The following ZNF500 variants were observed in gnomAD, a reference collection of about 807,000 sequenced individuals.
ZNF500 encodes the protein zinc finger protein with KRAB and SCAN domains 18.
Under a neutral mutation model 30.1 loss-of-function variants are expected in ZNF500, and 31 were observed. The ratio of observed to expected loss-of-function variants is 1.03; its 90% CI spans 0.77 to 1.39. ZNF500 has a LOEUF of 1.39. Among genes scored for constraint, ZNF500 ranks in the 40% most tolerant of loss-of-function variants. The probability of loss-of-function intolerance (pLI) is 0.00; values close to 1 mark genes in which losing one functional copy is unlikely to be tolerated. For synonymous variants in ZNF500, 392 were observed against 282.0 expected, an observed-to-expected ratio of 1.39 and a Z score of -3.91; for missense variants, 817 against 657.8, an observed-to-expected ratio of 1.24 and a Z score of -2.65.
chr16:4,748,578 G>C lies in ZNF500; in HGVS notation c.*3798C>G, dbSNP rs1315168292. On this transcript the variant is annotated 3_prime_UTR_variant, in exon 6 of 6. Coordinates refer to ENST00000219478, the MANE Select transcript of ZNF500 (RefSeq NM_021646.4). ...ATCTGCTTGCCCCCTGCCAAGACCCGGCCCCTCCACAGGACAAGCCTGGTC... is the reference window on the plus strand; with the variant it reads ...ATCTGCTTGCCCCCTGCCAAGACCCCGCCCCTCCACAGGACAAGCCTGGTC... The C allele has an allele frequency of 1.3e-5, 2 of 152,230 alleles. No individual in the cohort carries two copies. The highest frequency in any genetic ancestry group is 3.9e-4 in the East Asian group (2 of 5,184). 9.4% of individuals were successfully genotyped at this position (152,230 alleles called of 1,614,324 possible).
rs2082072142 is a variant in ZNF500, at chr16:4,751,049, A to G, written c.*1327T>C. ...CGTATATACAGTGACTAGGTGACAA[A>G]TGCAATGGAGCATCCCAGGCTGGGA... is the stretch of plus-strand genomic sequence containing the variant. On this transcript the variant is annotated 3_prime_UTR_variant, in exon 6 of 6. Coordinates refer to ENST00000219478, the MANE Select transcript of ZNF500 (RefSeq NM_021646.4). 1 of 154,706 alleles carries G rather than the reference A, an allele frequency of 6.5e-6. No individual in the cohort carries two copies. The highest frequency in any genetic ancestry group is 2.4e-5 in the African/African-American group (1 of 41,450). The allele number at this position is 154,706 out of a possible 1,614,324, so 9.6% of individuals were successfully genotyped here. A position where few individuals can be genotyped will look rare whatever the true frequency, so the allele number is the denominator to read the frequency against.
At chr16:4,757,519 T>G (rs900468238) in intron 5 of ZNF500, among the ~76,000 whole-genome samples, 1 of 152,078 alleles carries the variant, frequency 6.6e-6, no homozygotes, top group East Asian at 1.9e-4. Flanking sequence ...AGGCTGGTCT[T>G]GAACTCCTGG....
intron 5 of ZNF500, among the ~76,000 whole-genome samples, chr16:4,759,248 T>C (rs1353526207): frequency 2.0e-5 from 3 of 150,836 alleles, no homozygotes; most frequent in Non-Finnish European, 2.9e-5. Flanking sequence ...ATAACAACCA[T>C]TGGTATGGAT....
At chr16:4,744,853 C>T, downstream of ZNF500, 1 of 1,608,380 alleles carries the variant, frequency 6.2e-7, no homozygotes, top group African/African-American at 1.3e-5. Context: ...ATCAGCCTCT[C>T]CTTTGGCCAT....
chr16:4,746,172 G>C, downstream of ZNF500: 1 of 531,814 alleles, frequency 1.9e-6, no homozygotes, highest in Non-Finnish European at 3.3e-6. Flanking sequence ...TCCATCATGA[G>C]GGACGTTCTG....
intron 5 of ZNF500, among the ~76,000 whole-genome samples, chr16:4,757,209 C>A (rs1050969298): frequency 1.3e-5 from 2 of 152,274 alleles, no homozygotes; most frequent in African/African-American, 2.4e-5. Context: ...AGATTTATTA[C>A]GAAGAGTGAA....
At position 4,766,080 on chromosome 16, in the gene ZNF500, T is replaced by C. The variant is rs894454414; in HGVS notation, c.-98-4A>G. 26 of 1,363,232 alleles carry C rather than the reference T, an allele frequency of 1.9e-5. No homozygotes were observed. The highest frequency in any genetic ancestry group is 2.3e-5 in the Non-Finnish European group (24 of 1,025,682). 84.4% of individuals were successfully genotyped at this position (1,363,232 alleles called of 1,614,324 possible). ...GAAGAGAGTTTTTTTCAGGGCCCTG[T>C]GGAGAGACGATAAAACCATCTGAAG... On this transcript the variant is annotated splice_polypyrimidine_tract_variant and splice_region_variant and intron_variant, in intron 1 of 5. Transcript: ENST00000219478.
chr16:4,760,981 A>G (rs955662049), intron 4 of ZNF500, among the ~76,000 whole-genome samples: 1 of 152,150 alleles, frequency 6.6e-6, no homozygotes, highest in Non-Finnish European at 1.5e-5. Context: ...TCCCAGATGT[A>G]GCACCAGATT....
chr16:4,756,375 T>G (rs2082134683), intron 5 of ZNF500: 1 of 151,970 alleles, frequency 6.6e-6, no homozygotes, highest in Non-Finnish European at 1.5e-5. Flanking sequence ...TCCCAGCTGC[T>G]TGGGAGGCTA....
downstream of ZNF500, chr16:4,746,563 C>T (rs1261936101): frequency 5.1e-6 from 8 of 1,570,700 alleles, no homozygotes; most frequent in Admixed American, 1.4e-4. Flanking sequence ...GCAGAGTTGC[C>T]TGTTGACCGC....
chr16:4,753,883 C>A (rs1216075372), intron 5 of ZNF500, among the ~76,000 whole-genome samples: 4 of 152,226 alleles, frequency 2.6e-5, no homozygotes, highest in Non-Finnish European at 5.9e-5. Context: ...GCAGTCGTGG[C>A]TCCCAGCCAC....
chr16:4,746,793 G>A (rs979033673), downstream of ZNF500: 39 of 866,450 alleles, frequency 4.5e-5, no homozygotes, highest in Middle Eastern at 2.7e-4. Context: ...CTGGCAGGAC[G>A]TCCACCGGCC....
At chr16:4,764,034 A>G in intron 2 of ZNF500, 1 of 985,424 alleles carries the variant, frequency 1.0e-6, no homozygotes, top group South Asian at 4.7e-5. Context: ...CCACAACTGA[A>G]ACTGAAGCAG....
rs1356572956 is a variant in ZNF500 at position 4,751,878 on chromosome 16, C to T, written c.*498G>A. 1.1e-5 allele frequency: 4 copies of T among 378,826 alleles called. No homozygotes were observed. Among genetic ancestry groups the T allele is most frequent in the Middle Eastern group, 7.4e-4 (1 of 1,356 alleles). 23.5% of individuals were successfully genotyped at this position (378,826 alleles called of 1,614,324 possible). A position where few individuals can be genotyped will look rare whatever the true frequency, so the allele number is the denominator to read the frequency against. ...AGCTATGATCATGGCACTGTATTCC[C>T]GCCTGGGGGACACAGCAAGGCCCCG... On this transcript the variant is annotated 3_prime_UTR_variant, in exon 6 of 6. Coordinates refer to ENST00000219478, the MANE Select transcript of ZNF500 (RefSeq NM_021646.4).
intron 2 of ZNF500, among the ~76,000 whole-genome samples, chr16:4,765,268 C>A (rs1285198951): frequency 6.6e-6 from 1 of 152,046 alleles, no homozygotes; most frequent in African/African-American, 2.4e-5. Flanking sequence ...ACCACCATAG[C>A]CTGGGCAACA....
chr16:4,759,803 T>C (rs66507473), intron 5 of ZNF500, among the ~76,000 whole-genome samples: 71,567 of 152,048 alleles, frequency 0.47, 19,595 homozygotes, highest in East Asian at 0.64. Flanking sequence ...TTGGGAGGCC[T>C]AGGCCAGCGG....
chr16:4,764,697 G>C (rs1335773042), intron 2 of ZNF500, among the ~76,000 whole-genome samples: 1 of 151,260 alleles, frequency 6.6e-6, no homozygotes, highest in Non-Finnish European at 1.5e-5. Context: ...CAGGAGAATG[G>C]CGTGAATCCG....
At chr16:4,753,846 T>G (rs570866465) in intron 5 of ZNF500, among the ~76,000 whole-genome samples, 14 of 152,338 alleles carry the variant, frequency 9.2e-5, no homozygotes, top group African/African-American at 3.4e-4. Flanking sequence ...GGAGAAGCCC[T>G]GCTCTGGGCT....
intron 5 of ZNF500, among the ~76,000 whole-genome samples, chr16:4,759,733 T>G (rs62036067): frequency 0.46 from 69,759 of 152,054 alleles, 19,302 homozygotes; most frequent in East Asian, 0.64. Context: ...TATCTCACTG[T>G]CATTAGAAAA....
Sources: allele counts gnomAD v4.1 joint callset (sites outside exome capture counted in the v4.1 genomes callset), GRCh38; gene constraint gnomAD v4.1.1; transcripts MANE v1.5; gene names NCBI Gene and HGNC (gene_info 2026-07-23, HGNC 2026-07-21).